KCTD7: variants seen among roughly 807,000 people sequenced by gnomAD.
The protein encoded by KCTD7 is potassium channel tetramerization domain containing 7.
In KCTD7, 15 loss-of-function variants were observed where a neutral mutation model predicts 27.0. The observed-to-expected ratio is 0.56, with a 90% CI of 0.37 to 0.86. KCTD7 has a LOEUF of 0.86. KCTD7 is among the 40% of genes least tolerant of loss of function. The pLI is 0.00. For synonymous variants in KCTD7, 159 were observed against 162.7 expected, an observed-to-expected ratio of 0.98 and a Z score of 0.17; for missense variants, 299 against 398.9, an observed-to-expected ratio of 0.75 and a Z score of 2.13.
chr7:66,633,723 A>G (rs923238162), intron 2 of KCTD7, among the ~76,000 whole-genome samples: 7 of 151,956 alleles, frequency 4.6e-5, no homozygotes, highest in African/African-American at 1.7e-4. Flanking sequence ...CGCGGTGCTC[A>G]TGCCTGTAAT....
chr7:66,641,853 T>C lies in KCTD7; in HGVS notation c.*2621T>C, dbSNP rs1272565225. ...CCTGTGGAAGTGACTTTTCCCCATT[T>C]GATCCCTTTTCAACTCTAAATGGCC... On this transcript the variant is annotated 3_prime_UTR_variant, in exon 4 of 4. Coordinates refer to ENST00000639828, the MANE Select transcript of KCTD7 (RefSeq NM_153033.5). The C allele has an allele frequency of 2.0e-6, 2 of 985,480 alleles. No homozygotes were observed. Among genetic ancestry groups the C allele is most frequent in the Non-Finnish European group, 1.2e-6 (1 of 829,952 alleles). The allele number at this position is 985,480 out of a possible 1,614,324, so 61.0% of individuals were successfully genotyped here.
rs143012257 is a variant in KCTD7, at chr7:66,632,419, G to A, written c.145-856G>A. Among the ~76,000 whole-genome samples, 93 of 150,958 alleles carry A rather than the reference G, an allele frequency of 6.2e-4. No homozygotes were observed. In the East Asian group the frequency reaches 0.017, roughly 27 times the overall value. On this transcript the variant is annotated intron_variant, in intron 1 of 3. Coordinates refer to ENST00000639828, the MANE Select transcript of KCTD7 (RefSeq NM_153033.5). ...GGAGAATGGTGTGAACCCGAGAGGC[G>A]GAGGTTGCAGTGAGCCGAGATCGCG... is the stretch of plus-strand genomic sequence containing the variant.
chr7:66,637,231 A>T (rs1638732), intron 2 of KCTD7, among the ~76,000 whole-genome samples: 1 of 151,940 alleles, frequency 6.6e-6, no homozygotes, highest in Non-Finnish European at 1.5e-5. Context: ...GATTACAGAC[A>T]CCCACCACCA....
intron 1 of KCTD7, among the ~76,000 whole-genome samples, chr7:66,631,533 C>T (rs1231512863): frequency 6.7e-6 from 1 of 149,224 alleles, no homozygotes; most frequent in African/African-American, 2.5e-5. Flanking sequence ...CGTGCCATTG[C>T]ACTCCAGCCT....
intron 2 of KCTD7, among the ~76,000 whole-genome samples, chr7:66,634,386 A>G (rs1290078615): frequency 1.3e-5 from 2 of 151,422 alleles, no homozygotes; most frequent in East Asian, 1.9e-4. Context: ...TTTTGGAGAT[A>G]GGGTCTTGCT....
rs1786659181 is a variant in KCTD7, at chr7:66,639,322, G to A, written c.*90G>A. ...AAGATCCCTGAAGGGGCTGCTGACTGCCCCAGAATCTGCCGAGGTGAGAAC... is the reference window on the plus strand; with the variant it reads ...AAGATCCCTGAAGGGGCTGCTGACTACCCCAGAATCTGCCGAGGTGAGAAC... On this transcript the variant is annotated 3_prime_UTR_variant, in exon 4 of 4. Coordinates refer to ENST00000639828, the MANE Select transcript of KCTD7 (RefSeq NM_153033.5). 2 of 1,594,190 alleles carry A rather than the reference G, an allele frequency of 1.3e-6. No homozygotes were observed. The highest frequency in any genetic ancestry group is 2.2e-5 in the East Asian group (1 of 44,722).
chr7:66,636,395 T>G (rs1786588173), intron 2 of KCTD7, among the ~76,000 whole-genome samples: 1 of 151,894 alleles, frequency 6.6e-6, no homozygotes, highest in Non-Finnish European at 1.5e-5. Context: ...CACTTGAGCC[T>G]CATTTATGAC....
At chr7:66,643,179 C>T (rs1786758740), downstream of KCTD7, 9 of 985,210 alleles carry the variant, frequency 9.1e-6, no homozygotes, top group Non-Finnish European at 1.1e-5. Flanking sequence ...ACAAGACAGG[C>T]TTTTCCCTGA....
rs1031117251 is a variant in KCTD7, at chr7:66,628,975, G to A, written c.-90G>A. On this transcript the variant is annotated 5_prime_UTR_variant, in exon 1 of 4. Transcript: ENST00000639828. ...CTCCGGCCAGCCCGCAGCCGGCCGC[G>A]TCATGCCAGGCGCTGCTCGGCGGTA... 4.4e-5 allele frequency: 59 copies of A among 1,343,600 alleles called. No individual in the cohort carries two copies. The Admixed American group carries it at 5.7e-4, about 13-fold the overall frequency. 83.2% of individuals were successfully genotyped at this position (1,343,600 alleles called of 1,614,324 possible). A position where few individuals can be genotyped will look rare whatever the true frequency, so the allele number is the denominator to read the frequency against.
Position 66,640,762 on chromosome 7 carries a change from T to G in KCTD7, c.*1530T>G, listed in dbSNP as rs1222501649. 3 of 1,062,724 alleles carry G rather than the reference T, an allele frequency of 2.8e-6. No homozygotes were observed. The highest frequency in any genetic ancestry group is 1.0e-4 in the Admixed American group (2 of 19,804). The allele number at this position is 1,062,724 out of a possible 1,614,324, so 65.8% of individuals were successfully genotyped here. A position where few individuals can be genotyped will look rare whatever the true frequency, so the allele number is the denominator to read the frequency against. ...GGAGGATCACTTGAGCCCAGGAGAT[T>G]AAGACTGTAGTATACTATGATCGTG... On this transcript the variant is annotated 3_prime_UTR_variant, in exon 4 of 4. Transcript: ENST00000639828.
At chr7:66,638,513 C>A in intron 3 of KCTD7, 82 bp downstream of exon 3, 2 of 1,396,756 alleles carry the variant, frequency 1.4e-6, no homozygotes, top group Non-Finnish European at 2.0e-6. Flanking sequence ...TCCATCAGAA[C>A]ACCGGGGGCA....
At position 66,640,600 on chromosome 7, in the gene KCTD7, A is replaced by G; in HGVS notation, c.*1368A>G. On this transcript the variant is annotated 3_prime_UTR_variant, in exon 4 of 4. Transcript: ENST00000639828. ...TACCTGTCTCTTCCTGGGTAAAGGG[A>G]GATTTTTTTTTTTAATGTGTAAAGA... 1 of 1,389,316 alleles carries G rather than the reference A, an allele frequency of 7.2e-7. No individual in the cohort carries two copies. The highest frequency in any genetic ancestry group is 2.7e-5 in the East Asian group (1 of 36,734). The allele number at this position is 1,389,316 out of a possible 1,614,324, so 86.1% of individuals were successfully genotyped here. A position where few individuals can be genotyped will look rare whatever the true frequency, so the allele number is the denominator to read the frequency against.
At chr7:66,634,090 A>G (rs1320875578) in intron 2 of KCTD7, among the ~76,000 whole-genome samples, 1 of 139,836 alleles carries the variant, frequency 7.2e-6, no homozygotes, top group Non-Finnish European at 1.5e-5. Flanking sequence ...ATATATATAT[A>G]TGTATATATG....
rs528688912 is a variant in KCTD7, at chr7:66,642,236, G to T, written c.*3004G>T. The T allele has an allele frequency of 1.0e-6, 1 of 985,380 alleles. No homozygotes were observed. The highest frequency in any genetic ancestry group is 1.1e-4 in the East Asian group (1 of 8,818). The allele number at this position is 985,380 out of a possible 1,614,324, so 61.0% of individuals were successfully genotyped here. Reference sequence around the variant, plus strand: ...CTTAGCGTAACACTCTAAATAAATGGAAGGAATCATCACCTTCCTTATTTT... The same window carrying T: ...CTTAGCGTAACACTCTAAATAAATGTAAGGAATCATCACCTTCCTTATTTT... On this transcript the variant is annotated 3_prime_UTR_variant, in exon 4 of 4. Transcript: ENST00000639828.
rs886062410 is a variant in KCTD7 at position 66,628,971 on chromosome 7, C to T, written c.-94C>T. ...CCCCCTCCGGCCAGCCCGCAGCCGG[C>T]CGCGTCATGCCAGGCGCTGCTCGGC... On this transcript the variant is annotated 5_prime_UTR_variant, in exon 1 of 4. Transcript: ENST00000639828. 50 of 1,307,190 alleles carry T rather than the reference C, an allele frequency of 3.8e-5. No homozygotes were observed. Among genetic ancestry groups the T allele is most frequent in the Non-Finnish European group, 4.7e-5 (47 of 991,870 alleles). 81.0% of individuals were successfully genotyped at this position (1,307,190 alleles called of 1,614,324 possible).
At position 66,642,295 on chromosome 7, in the gene KCTD7, T is replaced by C. The variant is rs1000021329; in HGVS notation, c.*3063T>C. ...CTTGTTCACCAGGCTGCCCAGTGCT[T>C]ACCATGCAGAAAGCAGTCAGCTGTA... On this transcript the variant is annotated 3_prime_UTR_variant, in exon 4 of 4. Transcript: ENST00000639828. The C allele has an allele frequency of 1.0e-6, 1 of 985,448 alleles. No homozygotes were observed. The highest frequency in any genetic ancestry group is 1.2e-6 in the Non-Finnish European group (1 of 829,944). 61.0% of individuals were successfully genotyped at this position (985,448 alleles called of 1,614,324 possible).
In KCTD7 at chr7:66,639,374, G is replaced by C; in HGVS notation, c.*142G>C. 1 of 1,541,536 alleles carries C rather than the reference G, an allele frequency of 6.5e-7. No individual in the cohort carries two copies. The highest frequency in any genetic ancestry group is 8.7e-7 in the Non-Finnish European group (1 of 1,148,664). On this transcript the variant is annotated 3_prime_UTR_variant, in exon 4 of 4. Transcript: ENST00000639828. ...GCATCCTGAGGCACAGCTCCCAGGGGACAGAGGTGTAGCTCCAATCTCCCT... is the reference window on the plus strand; with the variant it reads ...GCATCCTGAGGCACAGCTCCCAGGGCACAGAGGTGTAGCTCCAATCTCCCT...
In KCTD7 at chr7:66,642,799, T is replaced by C. The variant is rs1314113811; in HGVS notation, c.*3567T>C. On this transcript the variant is annotated 3_prime_UTR_variant, in exon 4 of 4. Coordinates refer to ENST00000639828, the MANE Select transcript of KCTD7 (RefSeq NM_153033.5). The stretch of plus-strand genomic sequence containing the variant: ...ATTCTGAAAGAATCATATCTGTGTA[T>C]ATACATACTGAGTGGGGAAGGATGG... 1.0e-6 allele frequency: 1 copy of C among 985,222 alleles called. No homozygotes were observed. The highest frequency in any genetic ancestry group is 1.2e-6 in the Non-Finnish European group (1 of 829,952). 61.0% of individuals were successfully genotyped at this position (985,222 alleles called of 1,614,324 possible).
chr7:66,634,231 A>G (rs193205846), intron 2 of KCTD7, among the ~76,000 whole-genome samples: 262 of 108,450 alleles, frequency 2.4e-3, no homozygotes, highest in Non-Finnish European at 3.6e-3. Flanking sequence ...TCTATCTATA[A>G]AAATAAAGAT....
Sources: gnomAD v4.1 joint callset for allele counts (sites outside exome capture counted in the v4.1 genomes callset) on GRCh38, gnomAD v4.1.1 for gene constraint, MANE v1.5 for transcripts, NCBI Gene and HGNC (gene_info 2026-07-23, HGNC 2026-07-21) for gene names.